CRYBA4: variants seen among roughly 807,000 people sequenced by gnomAD.
CRYBA4 encodes beta-crystallin A4.
Under a neutral mutation model 31.7 loss-of-function variants are expected in CRYBA4, and 30 were observed. The ratio of observed to expected loss-of-function variants is 0.95; its 90% CI spans 0.71 to 1.28. The LOEUF (loss-of-function observed/expected upper bound fraction) is 1.28, where lower values mean the gene tolerates loss of function less well. Ranked by LOEUF, CRYBA4 falls within the 50% of genes most tolerant of loss-of-function variation. The pLI is 0.00. For missense variants in CRYBA4, 225 were observed against 260.7 expected (o/e 0.86, Z 0.94); for synonymous variants, 102 against 102.3 (o/e 1.00, Z 0.02).
At chr22:26,594,015 C>G in the CRYBA4 span, among the ~76,000 whole-genome samples, 1 of 152,208 alleles carries the variant, frequency 6.6e-6, no homozygotes, top group African/African-American at 2.4e-5. Context: ...ATTGTCAGAG[C>G]TGGAATGCAA....
chr22:26,628,162 C>T (rs1431854148), intron 4 of CRYBA4, 126 bp from the exon 5 acceptor site: 11 of 1,327,710 alleles, frequency 8.3e-6, no homozygotes, highest in Non-Finnish European at 1.2e-5. Flanking sequence ...TGCCTTATTG[C>T]CCTTCCAAAA....
the CRYBA4 span, chr22:26,599,454 A>G: frequency 6.4e-7 from 1 of 1,571,538 alleles, no homozygotes; most frequent in Non-Finnish European, 8.7e-7. Context: ...GAACATGAAG[A>G]AGGGTTGGGG....
the CRYBA4 span, among the ~76,000 whole-genome samples, chr22:26,613,778 G>T: frequency 6.6e-6 from 1 of 152,330 alleles, no homozygotes; most frequent in East Asian, 1.9e-4. Flanking sequence ...CAGGGAATAA[G>T]AGAGATAACC....
In CRYBA4 at chr22:26,621,976, G is replaced by T; in HGVS notation, c.-23G>T. The stretch of plus-strand genomic sequence containing the variant: ...GGTCTCAGATCTGACATGTTCCCTG[G>T]GCCTATCTCGGTAAGTCCCAGGTTT... On this transcript the variant is annotated 5_prime_UTR_variant, in exon 1 of 6. Coordinates refer to ENST00000354760, the MANE Select transcript of CRYBA4 (RefSeq NM_001886.3). 1.0e-6 allele frequency: 1 copy of T among 986,310 alleles called. No individual in the cohort carries two copies. The highest frequency in any genetic ancestry group is 1.2e-6 in the Non-Finnish European group (1 of 830,342). 61.1% of individuals were successfully genotyped at this position (986,310 alleles called of 1,614,324 possible).
At chr22:26,594,144 G>A in the CRYBA4 span, among the ~76,000 whole-genome samples, 1 of 152,192 alleles carries the variant, frequency 6.6e-6, no homozygotes, top group Non-Finnish European at 1.5e-5. Flanking sequence ...TAGTATTATT[G>A]TTCCTAGCTG....
At chr22:26,595,470 T>C in the CRYBA4 span, among the ~76,000 whole-genome samples, 1 of 151,494 alleles carries the variant, frequency 6.6e-6, no homozygotes, top group African/African-American at 2.4e-5. Flanking sequence ...TCCCAGCTAC[T>C]CGGGAGGCTG....
chr22:26,611,454 GT>G, the CRYBA4 span, among the ~76,000 whole-genome samples: 5 of 142,696 alleles, frequency 3.5e-5, no homozygotes, highest in Non-Finnish European at 7.7e-5. Context: ...GCTAGAGTTT[GT>G]TTTTTTTTTT....
rs1000021247 is a variant in CRYBA4 at position 26,630,371 on chromosome 22, G to A, written c.475G>A (p.Gly159Arg). ...WVCSQFPGYRGFQYVLECDHH... is the reference protein window; with the variant it reads ...WVCSQFPGYRRFQYVLECDHH... ...TTGCTCCCAGTTTCCGGGCTACCGAGGATTTCAGTATGTGCTGGAATGCGA... is the reference window on the plus strand; with the variant it reads ...TTGCTCCCAGTTTCCGGGCTACCGAAGATTTCAGTATGTGCTGGAATGCGA... Residue 159 changes from glycine to arginine, a missense_variant, in exon 6 of 6, where the codon GGA (glycine) becomes AGA (arginine). Coordinates refer to ENST00000354760, the MANE Select transcript of CRYBA4 (RefSeq NM_001886.3). The A allele has an allele frequency of 1.9e-6, 3 of 1,614,256 alleles. No individual in the cohort carries two copies. Among genetic ancestry groups the A allele is most frequent in the Non-Finnish European group, 2.5e-6 (3 of 1,180,038 alleles).
chr22:26,604,578 T>A, the CRYBA4 span, among the ~76,000 whole-genome samples: 146 of 152,004 alleles, frequency 9.6e-4, no homozygotes, highest in African/African-American at 3.1e-3. Flanking sequence ...CCTTGGAGGT[T>A]AAGGAGGAGT....
chr22:26,623,203 G>A (rs761077182), intron 2 of CRYBA4, 31 bp from the exon 3 acceptor site: 18 of 1,573,292 alleles, frequency 1.1e-5, no homozygotes, highest in Middle Eastern at 1.7e-4. Context: ...ACTCTGATGC[G>A]GATCTCCACC....
At chr22:26,622,517 C>T in intron 1 of CRYBA4, 68 bp from the exon 2 acceptor site, 1 of 1,397,268 alleles carries the variant, frequency 7.2e-7, no homozygotes, top group Non-Finnish European at 1.0e-6. Flanking sequence ...AGGTCCAAGC[C>T]AGCCATCTGC....
At chr22:26,627,516 CTTTCTTTCTCTTTCTTTCCTTT>C (rs1929782689) in intron 4 of CRYBA4, among the ~76,000 whole-genome samples, 1 of 91,860 alleles carries the variant, frequency 1.1e-5, no homozygotes, top group South Asian at 3.4e-4. Flanking sequence ...TTCTTTCTTT[CTTTCTTTCTCTTTCTTTCCTTT>C]TCTTTCTTTC....
At chr22:26,627,414 TTCTTTCTTTCTTTTTC>T (rs1254554923) in intron 4 of CRYBA4, among the ~76,000 whole-genome samples, 6 of 95,340 alleles carry the variant, frequency 6.3e-5, no homozygotes, top group Non-Finnish European at 9.4e-5. Context: ...CTTTCTTTCT[TTCTTTCTTTCTTTTTC>T]TTTCTTTCTT....
the CRYBA4 span, among the ~76,000 whole-genome samples, chr22:26,605,530 T>C: frequency 1.3e-5 from 2 of 151,932 alleles, no homozygotes; most frequent in South Asian, 4.2e-4. Flanking sequence ...AAAAATTATC[T>C]GGGCGTGGCG....
upstream of CRYBA4, among the ~76,000 whole-genome samples, chr22:26,617,749 CTCTA>C (rs1320632032): frequency 2.0e-5 from 3 of 152,104 alleles, no homozygotes; most frequent in African/African-American, 7.2e-5. Flanking sequence ...TTGCTTATCT[CTCTA>C]TCTGTCCTTT....
the CRYBA4 span, among the ~76,000 whole-genome samples, chr22:26,601,352 C>G: frequency 6.6e-6 from 1 of 152,084 alleles, no homozygotes; most frequent in Non-Finnish European, 1.5e-5. Context: ...GAAGGGCACT[C>G]TTGGATCAGG....
At chr22:26,590,432 G>A in the CRYBA4 span, among the ~76,000 whole-genome samples, 6 of 152,230 alleles carry the variant, frequency 3.9e-5, no homozygotes, top group African/African-American at 1.4e-4. Context: ...CCAAAAAGTG[G>A]TGTAAGAAAA....
Position 26,622,571 on chromosome 22 carries a change from C to A in CRYBA4, c.-12-14C>A, listed in dbSNP as rs746814385. ...GGTCAGGGTGGAAGATTATAATGTT[C>A]TTCTCTTCTGCAGGAAGGGGCCACA... On this transcript the variant is annotated splice_polypyrimidine_tract_variant and intron_variant, in intron 1 of 5. Transcript: ENST00000354760. 1.9e-6 allele frequency: 3 copies of A among 1,610,146 alleles called. No individual in the cohort carries two copies. The highest frequency in any genetic ancestry group is 1.7e-5 in the Admixed American group (1 of 59,962).
the CRYBA4 span, among the ~76,000 whole-genome samples, chr22:26,590,494 C>T: frequency 1.3e-5 from 2 of 152,114 alleles, no homozygotes; most frequent in African/African-American, 4.8e-5. Context: ...GTGTAAAACA[C>T]AGAAAAAAGA....
Sources: gnomAD v4.1 joint callset for allele counts (sites outside exome capture counted in the v4.1 genomes callset) on GRCh38, gnomAD v4.1.1 for gene constraint, MANE v1.5 for transcripts, NCBI Gene and HGNC (gene_info 2026-07-23, HGNC 2026-07-21) for gene names.